Variants in MTUS1 observed in about 807,000 individuals in gnomAD.
MTUS1 encodes the protein microtubule associated scaffold protein 1.
In MTUS1, 109 loss-of-function variants were observed where a neutral mutation model predicts 120.8. The observed-to-expected ratio is 0.90, with a 90% CI of 0.77 to 1.06. MTUS1 has a LOEUF of 1.06. Among genes scored for constraint, MTUS1 ranks in the 50% least tolerant of loss-of-function variants. The probability of loss-of-function intolerance (pLI) is 0.00; values close to 1 mark genes in which losing one functional copy is unlikely to be tolerated. For missense variants in MTUS1, 2,210 were observed against 1,486.3 expected (o/e 1.49, Z -8.01); for synonymous variants, 737 against 550.5 (o/e 1.34, Z -4.74).
intron 1 of MTUS1, among the ~76,000 whole-genome samples, chr8:17,761,251 G>A (rs1425189802): frequency 6.6e-6 from 1 of 152,078 alleles, no homozygotes; most frequent in Non-Finnish European, 1.5e-5. Flanking sequence ...CTAAATCTTA[G>A]CTTAAGAAAA....
At position 17,675,386 on chromosome 8, in the gene MTUS1, G is replaced by C. The variant is rs1812891576; in HGVS notation, c.2839-134C>G. ...TATGAATCATTTAGGCTAACAATTT[G>C]TGTTGTTAAAAGAAACACAGTTGTC... On this transcript the variant is annotated intron_variant, in intron 7 of 14. Coordinates refer to ENST00000693296, the MANE Select transcript of MTUS1 (RefSeq NM_001363059.2). The C allele has an allele frequency of 4.9e-5, 33 of 671,848 alleles. No homozygotes were observed. The South Asian group carries it at 8.5e-4, about 17-fold the overall frequency. The allele number at this position is 671,848 out of a possible 1,614,324, so 41.6% of individuals were successfully genotyped here.
intron 3 of MTUS1, among the ~76,000 whole-genome samples, chr8:17,741,367 A>G (rs1330073172): frequency 6.6e-6 from 1 of 152,206 alleles, no homozygotes; most frequent in East Asian, 1.9e-4. Context: ...CTAACCAGTC[A>G]AATACAAAAC....
chr8:17,690,068 T>C (rs982301284), intron 6 of MTUS1, among the ~76,000 whole-genome samples: 3 of 152,020 alleles, frequency 2.0e-5, no homozygotes, highest in Admixed American at 6.6e-5. Flanking sequence ...AAAGAAACAG[T>C]CAACAGAGGA....
intron 8 of MTUS1, among the ~76,000 whole-genome samples, chr8:17,669,528 TAG>T (rs1011828201): frequency 1.3e-5 from 2 of 152,024 alleles, no homozygotes; most frequent in African/African-American, 4.8e-5. Context: ...AAGGCCAAAA[TAG>T]AGTCTTTTGT....
chr8:17,749,678 A>G (rs2043507914), intron 2 of MTUS1, among the ~76,000 whole-genome samples: 1 of 150,836 alleles, frequency 6.6e-6, no homozygotes, highest in Non-Finnish European at 1.5e-5. Flanking sequence ...AAAAAAAAAA[A>G]GAAAGAAAAA....
chr8:17,714,849 C>T (rs557320922), intron 5 of MTUS1, among the ~76,000 whole-genome samples: 6 of 147,176 alleles, frequency 4.1e-5, no homozygotes, highest in Non-Finnish European at 7.4e-5. Flanking sequence ...CACAATTATT[C>T]GCTCAGGCTT....
In MTUS1 at chr8:17,739,112, C is replaced by T. The variant is rs7837286; in HGVS notation, c.2287+4492G>A. 5.0e-3 allele frequency among the ~76,000 whole-genome samples: 756 copies of T among 152,064 alleles called. 6 individuals are homozygous for T. The highest frequency in any genetic ancestry group is 0.017 in the African/African-American group (725 of 41,476). On this transcript the variant is annotated intron_variant, in intron 3 of 14. Coordinates refer to ENST00000693296, the MANE Select transcript of MTUS1 (RefSeq NM_001363059.2). ...GATCTATGGTGGAGTCAGTGCACTC[C>T]GGCCTGGACGACAGAGTGAAAATGT...
chr8:17,687,242 C>G (rs1585694446), intron 6 of MTUS1, among the ~76,000 whole-genome samples: 1 of 152,168 alleles, frequency 6.6e-6, no homozygotes, highest in South Asian at 2.1e-4. Flanking sequence ...ACTGTGCTCC[C>G]TAAGGATGAA....
At chr8:17,675,017 T>G in intron 8 of MTUS1, 169 bp downstream of exon 8, 1 of 1,417,456 alleles carries the variant, frequency 7.1e-7, no homozygotes, top group Non-Finnish European at 9.2e-7. Flanking sequence ...AAGGTCAAGC[T>G]GCCAAGATTC....
chr8:17,674,670 A>T, intron 8 of MTUS1: 1 of 986,954 alleles, frequency 1.0e-6, no homozygotes, highest in Non-Finnish European at 1.2e-6. Flanking sequence ...TGGAGCGGGG[A>T]GGTGGTGAAC....
At chr8:17,764,589 C>A (rs1586258000) in intron 1 of MTUS1, among the ~76,000 whole-genome samples, 1 of 152,184 alleles carries the variant, frequency 6.6e-6, no homozygotes, top group Admixed American at 6.5e-5. Flanking sequence ...CAAGGGCTGG[C>A]AAGCCATTTC....
At chr8:17,788,895 T>C (rs1376069958) in intron 1 of MTUS1, among the ~76,000 whole-genome samples, 1 of 152,184 alleles carries the variant, frequency 6.6e-6, no homozygotes, top group East Asian at 1.9e-4. Flanking sequence ...AGTATTTACT[T>C]TTATACAATG....
intron 6 of MTUS1, chr8:17,697,481 C>A (rs367693039): frequency 8.1e-6 from 12 of 1,476,050 alleles, no homozygotes; most frequent in African/African-American, 5.6e-5. Context: ...GAAATACAGT[C>A]AGAGGAAAGA....
chr8:17,700,241 G>C (rs894596399), intron 6 of MTUS1, among the ~76,000 whole-genome samples: 3 of 151,926 alleles, frequency 2.0e-5, no homozygotes, highest in Admixed American at 6.6e-5. Context: ...GCCAAGGCAG[G>C]TGGGATCACC....
chr8:17,676,099 G>A, intron 7 of MTUS1: 2 of 575,938 alleles, frequency 3.5e-6, no homozygotes, highest in Non-Finnish European at 6.1e-6. Flanking sequence ...CCCTCACGAG[G>A]ATCACCCAAG....
At chr8:17,666,786 CCTT>C (rs1811008326) in intron 8 of MTUS1, among the ~76,000 whole-genome samples, 1 of 152,142 alleles carries the variant, frequency 6.6e-6, no homozygotes, top group Admixed American at 6.5e-5. Context: ...TGCTGCCTCT[CCTT>C]CTGTAATTGG....
chr8:17,797,170 G>A (rs2052310400), intron 1 of MTUS1, among the ~76,000 whole-genome samples: 1 of 151,986 alleles, frequency 6.6e-6, no homozygotes, highest in African/African-American at 2.4e-5. Flanking sequence ...CTAGCACTCT[G>A]GGAGGCTGAA....
chr8:17,720,002 G>C (rs1165742880), intron 4 of MTUS1, among the ~76,000 whole-genome samples: 1 of 146,858 alleles, frequency 6.8e-6, no homozygotes, highest in Non-Finnish European at 1.5e-5. Flanking sequence ...ATGGAGGCTG[G>C]AGGCTAAGAA....
intron 4 of MTUS1, among the ~76,000 whole-genome samples, chr8:17,719,101 C>T (rs28533831): frequency 0.012 from 1,829 of 151,878 alleles, 39 homozygotes; most frequent in African/African-American, 0.042. Flanking sequence ...ACCCAGGAGG[C>T]GGAGGTTGCA....
Sources: gnomAD v4.1 joint callset for allele counts (sites outside exome capture counted in the v4.1 genomes callset) on GRCh38, gnomAD v4.1.1 for gene constraint, MANE v1.5 for transcripts, NCBI Gene and HGNC (gene_info 2026-07-23, HGNC 2026-07-21) for gene names.